The following ZNRF3 variants were observed in gnomAD, a reference collection of about 807,000 sequenced individuals.
ZNRF3 encodes E3 ubiquitin-protein ligase ZNRF3.
In ZNRF3, 23 loss-of-function variants were observed where a neutral mutation model predicts 72.5. The observed-to-expected ratio is 0.32, with a 90% CI of 0.23 to 0.45. The LOEUF (loss-of-function observed/expected upper bound fraction) is 0.45. Ranked by LOEUF, ZNRF3 falls within the 20% of genes least tolerant of loss-of-function variation. The probability of loss-of-function intolerance (pLI) is 1.00; values close to 1 mark genes in which losing one functional copy is unlikely to be tolerated. For synonymous variants in ZNRF3, 610 were observed against 545.3 expected (o/e 1.12, Z -1.65); for missense variants, 1,169 against 1,272.1 (o/e 0.92, Z 1.23).
intron 1 of ZNRF3, among the ~76,000 whole-genome samples, chr22:28,893,794 G>C (rs1311928277): frequency 1.3e-5 from 2 of 150,114 alleles, no homozygotes; most frequent in Non-Finnish European, 3.0e-5. Flanking sequence ...CACTGTGCCC[G>C]GCCTGCCTTG....
chr22:28,937,215 ATTTTTTT>A lies in ZNRF3; in HGVS notation c.301-49844_301-49838del, dbSNP rs370829828. On this transcript the variant is annotated intron_variant, in intron 1 of 8. Transcript: ENST00000544604. The stretch of plus-strand genomic sequence containing the variant: ...TATATATATATATATATATATATAT[ATTTTTTT>A]TTTTTTTTTTTTTTTTAACAAAAGG... Among the ~76,000 whole-genome samples, 34 of 8,804 alleles carry A rather than the reference ATTTTTTT, an allele frequency of 3.9e-3. 1 individual carries two copies. The highest frequency in any genetic ancestry group is 0.037 in the South Asian group (6 of 164). The allele number at this position is 8,804 out of a possible 152,430, so 5.8% of individuals were successfully genotyped here. A position where few individuals can be genotyped will look rare whatever the true frequency, so the allele number is the denominator to read the frequency against.
intron 2 of ZNRF3, among the ~76,000 whole-genome samples, chr22:29,041,349 T>C (rs2036958759): frequency 6.6e-6 from 1 of 152,168 alleles, no homozygotes; most frequent in Non-Finnish European, 1.5e-5. Flanking sequence ...CTTGCTATGT[T>C]ACCTAGACTG....
intron 2 of ZNRF3, among the ~76,000 whole-genome samples, chr22:29,042,273 T>A (rs1323834533): frequency 6.6e-6 from 1 of 152,220 alleles, no homozygotes; most frequent in Non-Finnish European, 1.5e-5. Context: ...AATGTCCTTC[T>A]CCTAGCTATT....
chr22:28,895,639 C>T (rs1009245336), intron 1 of ZNRF3, among the ~76,000 whole-genome samples: 1 of 152,126 alleles, frequency 6.6e-6, no homozygotes, highest in South Asian at 2.1e-4. Context: ...TGCACTCCAG[C>T]CTGGGCGACA....
At chr22:28,907,518 T>G (rs988119748) in intron 1 of ZNRF3, among the ~76,000 whole-genome samples, 1 of 152,210 alleles carries the variant, frequency 6.6e-6, no homozygotes, top group East Asian at 1.9e-4. Context: ...TTCCCCACAG[T>G]GCCCAGATGG....
At chr22:29,051,906 C>T (rs1601719904) in intron 8 of ZNRF3, among the ~76,000 whole-genome samples, 1 of 151,264 alleles carries the variant, frequency 6.6e-6, no homozygotes, top group East Asian at 1.9e-4. Flanking sequence ...AAAACCTAGG[C>T]CCCATCCCTG....
chr22:29,035,870 GC>G (rs1399951230), intron 2 of ZNRF3, among the ~76,000 whole-genome samples: 3 of 152,142 alleles, frequency 2.0e-5, no homozygotes, highest in Non-Finnish European at 2.9e-5. Flanking sequence ...GTGAGCCACT[GC>G]GCCCGGCCTT....
intron 1 of ZNRF3, among the ~76,000 whole-genome samples, chr22:28,977,521 C>A (rs1226502035): frequency 6.6e-6 from 1 of 152,184 alleles, no homozygotes; most frequent in Admixed American, 6.5e-5. Flanking sequence ...CTAGCCACCA[C>A]ACCTTTTAAG....
intron 1 of ZNRF3, among the ~76,000 whole-genome samples, chr22:28,917,768 A>C (rs1204774800): frequency 6.6e-6 from 1 of 152,196 alleles, no homozygotes; most frequent in Non-Finnish European, 1.5e-5. Context: ...TGCCATTCAG[A>C]GTACACAGTG....
At chr22:29,034,405 A>T (rs1328145061) in intron 2 of ZNRF3, among the ~76,000 whole-genome samples, 2 of 152,116 alleles carry the variant, frequency 1.3e-5, no homozygotes, top group African/African-American at 4.8e-5. Context: ...AGTTAAAGTG[A>T]TGGGGAGTGG....
At chr22:28,953,335 G>A (rs1175774537) in intron 1 of ZNRF3, among the ~76,000 whole-genome samples, 3 of 152,188 alleles carry the variant, frequency 2.0e-5, no homozygotes, top group Non-Finnish European at 4.4e-5. Flanking sequence ...CTCTAGGTAC[G>A]GCTTTTCCTC....
At chr22:28,988,851 G>A (rs1212495513) in intron 2 of ZNRF3, among the ~76,000 whole-genome samples, 2 of 152,030 alleles carry the variant, frequency 1.3e-5, no homozygotes, top group Admixed American at 6.5e-5. Context: ...TGTGTCTCTC[G>A]CATCTATAAA....
chr22:28,955,520 T>C (rs2035242871), intron 1 of ZNRF3, among the ~76,000 whole-genome samples: 1 of 152,108 alleles, frequency 6.6e-6, no homozygotes, highest in South Asian at 2.1e-4. Flanking sequence ...CTGGGAAACA[T>C]GAATGTGGTG....
chr22:28,927,323 A>G (rs190142276), intron 1 of ZNRF3, among the ~76,000 whole-genome samples: 332 of 152,250 alleles, frequency 2.2e-3, no homozygotes, highest in African/African-American at 7.5e-3. Flanking sequence ...TGGGAGGCCA[A>G]GGCAGGCGAA....
At chr22:28,968,209 C>T (rs1376856680) in intron 1 of ZNRF3, among the ~76,000 whole-genome samples, 2 of 152,174 alleles carry the variant, frequency 1.3e-5, no homozygotes, top group Non-Finnish European at 2.9e-5. Flanking sequence ...GTTCACTAAT[C>T]CTATCTCCAT....
chr22:29,003,765 G>A (rs746255150), intron 2 of ZNRF3, among the ~76,000 whole-genome samples: 3 of 152,046 alleles, frequency 2.0e-5, no homozygotes, highest in Non-Finnish European at 4.4e-5. Context: ...GAGCCTGGGA[G>A]GTGGAGGCTA....
At chr22:28,917,452 TA>T in intron 1 of ZNRF3, 1 of 985,322 alleles carries the variant, frequency 1.0e-6, no homozygotes, top group Non-Finnish European at 1.2e-6. Flanking sequence ...CACTTAATCT[TA>T]CTAGGAAGGA....
intron 1 of ZNRF3, among the ~76,000 whole-genome samples, chr22:28,894,015 A>C (rs1262691565): frequency 6.6e-6 from 1 of 152,062 alleles, no homozygotes; most frequent in Non-Finnish European, 1.5e-5. Flanking sequence ...GCAGTGGCGC[A>C]ATCTTTCTTG....
intron 1 of ZNRF3, among the ~76,000 whole-genome samples, chr22:28,966,644 A>AT (rs1281195800): frequency 6.6e-6 from 1 of 152,056 alleles, no homozygotes. Flanking sequence ...TAAAAAAAAA[A>AT]GTTTTGATAG....
Sources: allele counts gnomAD v4.1 joint callset (sites outside exome capture counted in the v4.1 genomes callset), GRCh38; gene constraint gnomAD v4.1.1; transcripts MANE v1.5; gene names NCBI Gene and HGNC (gene_info 2026-07-23, HGNC 2026-07-21).